SLC9C2: variants seen among roughly 807,000 people sequenced by gnomAD.
The protein encoded by SLC9C2 is sodium/hydrogen exchanger 11.
Under a neutral mutation model 140.2 loss-of-function variants are expected in SLC9C2, and 75 were observed. That is an observed-to-expected ratio of 0.53 (90% CI 0.44 to 0.65). The LOEUF is 0.65. Among genes scored for constraint, SLC9C2 ranks in the 30% least tolerant of loss-of-function variants. The pLI, the probability that SLC9C2 is intolerant of heterozygous loss-of-function variation, is 0.00. For synonymous variants in SLC9C2, 375 were observed against 420.9 expected (o/e 0.89, Z 1.34); for missense variants, 1,074 against 1,331.8 (o/e 0.81, Z 3.01).
chr1:173,527,543 A>G (rs1661293600), intron 18 of SLC9C2, among the ~76,000 whole-genome samples: 1 of 152,200 alleles, frequency 6.6e-6, no homozygotes, highest in South Asian at 2.1e-4. Context: ...AGGGCTAACC[A>G]ATCTCTGTTC....
intron 6 of SLC9C2, 88 bp downstream of exon 6, chr1:173,583,418 G>A: frequency 1.3e-6 from 1 of 751,280 alleles, no homozygotes; most frequent in South Asian, 2.0e-5. Flanking sequence ...GTAAAGTATA[G>A]AGAAGGCAGC....
Position 173,553,389 on chromosome 1 carries a change from T to C in SLC9C2, c.1297+1344A>G, listed in dbSNP as rs144696457. Among the ~76,000 whole-genome samples, 82 of 152,346 alleles carry C rather than the reference T, an allele frequency of 5.4e-4. 1 individual carries two copies. The highest frequency in any genetic ancestry group is 3.4e-3 in the Middle Eastern group (1 of 294). On this transcript the variant is annotated intron_variant, in intron 11 of 27. Transcript: ENST00000367714. ...GAAAGAAGCTCTACTCTATGTAAAA[T>C]GCTATCAAACAGCACTGCATGCTAC...
Position 173,557,363 on chromosome 1 carries a change from G to C in SLC9C2, c.1192C>G (p.Arg398Gly), listed in dbSNP as rs749302659. The stretch of plus-strand genomic sequence containing the variant: ...ACCATTTGTGGTACTTCCACTTTTC[G>C]TTCAGCGAGATTATAAACATCAGGA... ...WAPDVYNLAE[R>G]KVEVPQMFIL... Residue 398 changes from arginine to glycine, a missense_variant, in exon 10 of 28, where the codon CGA becomes GGA. Arg to Gly is a moderately radical substitution (Grantham distance 125). Coordinates refer to ENST00000367714, the MANE Select transcript of SLC9C2 (RefSeq NM_178527.4). The C allele has an allele frequency of 2.4e-5, 39 of 1,612,146 alleles. No homozygotes were observed. Among genetic ancestry groups the C allele is most frequent in the Non-Finnish European group, 2.9e-5 (34 of 1,179,526 alleles).
In SLC9C2 at chr1:173,586,751, C is replaced by T. The variant is rs570494890; in HGVS notation, c.523+914G>A. On this transcript the variant is annotated intron_variant, in intron 5 of 27. Coordinates refer to ENST00000367714, the MANE Select transcript of SLC9C2 (RefSeq NM_178527.4). ...GCAGGGACATGGCTGAAGCTTGAAG[C>T]CATCATTCTCAGCAAACTAACACAG... 1.2e-4 allele frequency among the ~76,000 whole-genome samples: 18 copies of T among 152,222 alleles called. No individual in the cohort carries two copies. In the South Asian group the frequency reaches 1.5e-3, roughly 12 times the overall value.
intron 21 of SLC9C2, 92 bp from the exon 22 acceptor site, chr1:173,521,491 ATATAT>A: frequency 3.4e-6 from 1 of 295,954 alleles, no homozygotes; most frequent in Non-Finnish European, 6.2e-6. Context: ...ATATATATAT[ATATAT>A]ATGATTTTAT....
intron 7 of SLC9C2, among the ~76,000 whole-genome samples, chr1:173,577,936 C>T (rs1665284125): frequency 6.6e-6 from 1 of 152,008 alleles, no homozygotes; most frequent in African/African-American, 2.4e-5. Flanking sequence ...CCAGGAGTGC[C>T]GCAAACTGTG....
chr1:173,600,172 G>A lies in SLC9C2; in HGVS notation c.173C>T (p.Thr58Met), dbSNP rs765976977. The change falls in exon 3 of 28, where the codon ACG (threonine) becomes ATG (methionine). Residue 58 changes from threonine (T) to methionine (M), a missense_variant. Coordinates refer to ENST00000367714, the MANE Select transcript of SLC9C2 (RefSeq NM_178527.4). ...CLKNCEVIVL[T>M]ILSLSGFVIG... ...CACGAATCCTGATAGAGAAAGAATC[G>A]TCAAAACAATGACTTCACAATTCTT... 8.7e-6 allele frequency: 14 copies of A among 1,611,942 alleles called. No homozygotes were observed. The highest frequency in any genetic ancestry group is 1.6e-4 in the Middle Eastern group (1 of 6,072).
chr1:173,548,456 G>A lies in SLC9C2; in HGVS notation c.1394C>T (p.Thr465Ile), dbSNP rs1376674992. 6.2e-7 allele frequency: 1 copy of A among 1,613,590 alleles called. No individual in the cohort carries two copies. The highest frequency in any genetic ancestry group is 1.1e-5 in the South Asian group (1 of 91,022). ...IVQNTITLFK[T>I]EKILTNVNWT... The stretch of plus-strand genomic sequence containing the variant: ...GTTAACATTTGTCAAAATTTTTTCT[G>A]TTTTAAATAAAGTTATTGTGTTCTG... The change falls in exon 12 of 28, where the codon ACA becomes ATA. Residue 465 changes from threonine to isoleucine, a missense_variant. Physicochemically the swap from Thr to Ile is moderately conservative, Grantham distance 89. Coordinates refer to ENST00000367714, the MANE Select transcript of SLC9C2 (RefSeq NM_178527.4).
At chr1:173,597,176 G>A (rs2102272251) in intron 4 of SLC9C2, among the ~76,000 whole-genome samples, 3 of 151,696 alleles carry the variant, frequency 2.0e-5, no homozygotes, top group Middle Eastern at 7.0e-3. Context: ...TCAAAGAATT[G>A]ACATATAAAA....
Position 173,521,387 on chromosome 1 carries a change from GT to G in SLC9C2, c.2652del (p.Lys884AsnfsTer23). ...VLIDFFKERA[K>X]LACFDSGDTI... ...GTATCTCCAGAGTCAAAACAGGCAA[GT>G]TTGGCTCTTTCCTGAGTGGGAAAAA... On this transcript the variant is annotated frameshift_variant, in exon 22 of 28. Transcript: ENST00000367714. LOFTEE classifies it high-confidence loss of function. The G allele has an allele frequency of 6.7e-7, 1 of 1,499,838 alleles. No individual in the cohort carries two copies. The highest frequency in any genetic ancestry group is 8.9e-7 in the Non-Finnish European group (1 of 1,129,272). 92.9% of individuals were successfully genotyped at this position (1,499,838 alleles called of 1,614,324 possible). A position where few individuals can be genotyped will look rare whatever the true frequency, so the allele number is the denominator to read the frequency against.
Position 173,547,757 on chromosome 1 carries a change from T to G in SLC9C2, c.1489A>C (p.Lys497Gln), listed in dbSNP as rs750259302. The G allele has an allele frequency of 6.2e-7, 1 of 1,612,266 alleles. No individual in the cohort carries two copies. The highest frequency in any genetic ancestry group is 1.7e-5 in the Admixed American group (1 of 59,956). Residue 497 changes from lysine (K) to glutamine (Q), a missense_variant, in exon 13 of 28, where the codon AAG (lysine) becomes CAG (glutamine). Coordinates refer to ENST00000367714, the MANE Select transcript of SLC9C2 (RefSeq NM_178527.4). Reference protein sequence around the residue: ...PFSHVSHNDMKTESTTDEALM... With the variant: ...PFSHVSHNDMQTESTTDEALM... ...GCTTCATCTGTTGTGGATTCTGTCTTCATATCATTATGTGAAACGTGGGAA... is the reference window on the plus strand; with the variant it reads ...GCTTCATCTGTTGTGGATTCTGTCTGCATATCATTATGTGAAACGTGGGAA...
chr1:173,547,644 A>G lies in SLC9C2; in HGVS notation c.1557+45T>C, dbSNP rs780426148. 4 of 1,408,738 alleles carry G rather than the reference A, an allele frequency of 2.8e-6. No homozygotes were observed. In the South Asian group the frequency reaches 4.8e-5, roughly 17 times the overall value. The allele number at this position is 1,408,738 out of a possible 1,614,324, so 87.3% of individuals were successfully genotyped here. ...AAAATCATATGCAAGGATCAAAGAC[A>G]TTGCAAGAAAGGAAATTTTAAAACA... On this transcript the variant is annotated intron_variant, in intron 13 of 27. Transcript: ENST00000367714.
At chr1:173,570,368 G>A (rs868310451) in intron 9 of SLC9C2, among the ~76,000 whole-genome samples, 1 of 152,164 alleles carries the variant, frequency 6.6e-6, no homozygotes, top group East Asian at 1.9e-4. Context: ...CCTGAACTGG[G>A]GGCCTCAAAA....
intron 3 of SLC9C2, among the ~76,000 whole-genome samples, chr1:173,599,667 G>A (rs1021631415): frequency 1.3e-5 from 2 of 150,852 alleles, no homozygotes; most frequent in Admixed American, 1.3e-4. Context: ...GTGGCGGTGT[G>A]ATGTCGGCTC....
intron 18 of SLC9C2, among the ~76,000 whole-genome samples, chr1:173,528,655 C>T (rs1455741523): frequency 1.3e-5 from 2 of 152,154 alleles, no homozygotes; most frequent in African/African-American, 2.4e-5. Flanking sequence ...GTAACGTAAC[C>T]GTCACCACAA....
At chr1:173,554,476 A>T (rs1050401027) in intron 11 of SLC9C2, among the ~76,000 whole-genome samples, 5 of 152,186 alleles carry the variant, frequency 3.3e-5, no homozygotes, top group African/African-American at 4.8e-5. Flanking sequence ...GAGTAGAACC[A>T]TCTCACACTT....
At chr1:173,528,677 C>A (rs892372718) in intron 18 of SLC9C2, among the ~76,000 whole-genome samples, 5 of 152,098 alleles carry the variant, frequency 3.3e-5, no homozygotes, top group African/African-American at 1.2e-4. Context: ...AAATAGGCAC[C>A]GTAACCAGAA....
chr1:173,563,454 C>A (rs530069783), intron 9 of SLC9C2, among the ~76,000 whole-genome samples: 2 of 151,552 alleles, frequency 1.3e-5, no homozygotes, highest in African/African-American at 4.9e-5. Flanking sequence ...CAGGAAGGAC[C>A]GGGAAGAGAA....
At chr1:173,601,415 TAA>T (rs1666775636) in intron 2 of SLC9C2, among the ~76,000 whole-genome samples, 2 of 152,344 alleles carry the variant, frequency 1.3e-5, no homozygotes, top group Admixed American at 1.3e-4. Flanking sequence ...TTCTTGAAGT[TAA>T]GTTATTCTTC....
Sources: allele counts gnomAD v4.1 joint callset (sites outside exome capture counted in the v4.1 genomes callset), GRCh38; gene constraint gnomAD v4.1.1; transcripts MANE v1.5; gene names NCBI Gene and HGNC (gene_info 2026-07-23, HGNC 2026-07-21).